Variants in RSF1 observed in about 807,000 individuals in gnomAD.
RSF1 encodes the protein remodeling and spacing factor 1.
Under a neutral mutation model 145.2 loss-of-function variants are expected in RSF1, and 13 were observed. That is an observed-to-expected ratio of 0.09 (90% CI 0.06 to 0.14). The LOEUF is 0.14. Among genes scored for constraint, RSF1 ranks in the 10% least tolerant of loss-of-function variants. The pLI is 1.00. For synonymous variants in RSF1, 577 were observed against 592.6 expected (o/e 0.97, Z 0.38); for missense variants, 1,517 against 1,718.2 (o/e 0.88, Z 2.07).
chr11:77,798,853 G>C (rs560452534), intron 1 of RSF1, among the ~76,000 whole-genome samples: 4 of 151,344 alleles, frequency 2.6e-5, no homozygotes, highest in Non-Finnish European at 5.9e-5. Context: ...GGATAGGGGA[G>C]GGATAACATT....
chr11:77,871,358 ATATT>A, the RSF1 span, among the ~76,000 whole-genome samples: 1 of 152,246 alleles, frequency 6.6e-6, no homozygotes, highest in Non-Finnish European at 1.5e-5. Context: ...TCATTTACAG[ATATT>A]TATTAAGCAT....
intron 6 of RSF1, among the ~76,000 whole-genome samples, chr11:77,699,719 A>C (rs1331694300): frequency 6.6e-6 from 1 of 152,230 alleles, no homozygotes; most frequent in East Asian, 1.9e-4. Context: ...AAAACTTAAA[A>C]TATACATGTC....
At chr11:77,696,339 T>C (rs1242259885) in intron 7 of RSF1, among the ~76,000 whole-genome samples, 1 of 152,216 alleles carries the variant, frequency 6.6e-6, no homozygotes, top group Non-Finnish European at 1.5e-5. Context: ...CTTAGAGTTC[T>C]ATATTCATTT....
chr11:77,830,458 T>C, the RSF1 span, among the ~76,000 whole-genome samples: 1 of 151,926 alleles, frequency 6.6e-6, no homozygotes, highest in African/African-American at 2.4e-5. Flanking sequence ...CTGCCGTGAA[T>C]CAAACTGCTG....
chr11:77,838,233 TTA>T, the RSF1 span, among the ~76,000 whole-genome samples: 1 of 127,960 alleles, frequency 7.8e-6, no homozygotes, highest in Non-Finnish European at 1.9e-5. Flanking sequence ...ACTGTTAGTT[TTA>T]TGTGTCAACG....
chr11:77,776,905 C>A (rs1226987662), intron 1 of RSF1, among the ~76,000 whole-genome samples: 2 of 152,190 alleles, frequency 1.3e-5, no homozygotes, highest in African/African-American at 4.8e-5. Flanking sequence ...GAATGTGTTT[C>A]TGGCAATCCT....
At chr11:77,698,191 A>C (rs1307207323) in intron 7 of RSF1, among the ~76,000 whole-genome samples, 1 of 152,210 alleles carries the variant, frequency 6.6e-6, no homozygotes, top group African/African-American at 2.4e-5. Flanking sequence ...AGAAAAACTT[A>C]AAAAGAACAG....
chr11:77,845,341 T>C, the RSF1 span, among the ~76,000 whole-genome samples: 1 of 152,136 alleles, frequency 6.6e-6, no homozygotes, highest in African/African-American at 2.4e-5. Flanking sequence ...CTATTTTCAA[T>C]TTTGTTGATT....
intron 1 of RSF1, among the ~76,000 whole-genome samples, chr11:77,811,529 C>T (rs1948731312): frequency 6.6e-6 from 1 of 152,110 alleles, no homozygotes; most frequent in South Asian, 2.1e-4. Context: ...AGGAAATTTT[C>T]CACAGAGCAT....
At chr11:77,796,612 CCT>C (rs1208773959) in intron 1 of RSF1, among the ~76,000 whole-genome samples, 1 of 152,096 alleles carries the variant, frequency 6.6e-6, no homozygotes, top group African/African-American at 2.4e-5. Context: ...ACAAGGATGC[CCT>C]CTCTCACCAC....
At chr11:77,844,387 C>T in the RSF1 span, among the ~76,000 whole-genome samples, 2 of 151,680 alleles carry the variant, frequency 1.3e-5, no homozygotes, top group East Asian at 1.9e-4. Context: ...TTTTTGGAGA[C>T]AGTCTCCCTC....
chr11:77,812,975 AT>A (rs1948745458), intron 1 of RSF1, among the ~76,000 whole-genome samples: 1 of 151,674 alleles, frequency 6.6e-6, no homozygotes, highest in Non-Finnish European at 1.5e-5. Context: ...GATCACCTTA[AT>A]TTTGGACAAA....
intron 4 of RSF1, among the ~76,000 whole-genome samples, chr11:77,736,691 A>T (rs1409304237): frequency 6.6e-6 from 1 of 152,220 alleles, no homozygotes; most frequent in Non-Finnish European, 1.5e-5. Context: ...TCTCACTTAT[A>T]ATATGCATAA....
intron 1 of RSF1, among the ~76,000 whole-genome samples, chr11:77,809,056 G>A (rs1361845050): frequency 6.6e-6 from 1 of 152,172 alleles, no homozygotes; most frequent in Non-Finnish European, 1.5e-5. Context: ...GTTGGGCTCT[G>A]AAGCCAGACT....
chr11:77,813,726 G>A (rs1205745643), intron 1 of RSF1: 1 of 389,506 alleles, frequency 2.6e-6, no homozygotes, highest in Non-Finnish European at 5.0e-6. Flanking sequence ...AGAGCGAACA[G>A]TAGTGAGTAA....
chr11:77,802,848 T>C (rs551436007), intron 1 of RSF1, among the ~76,000 whole-genome samples: 2 of 151,978 alleles, frequency 1.3e-5, no homozygotes, highest in East Asian at 3.9e-4. Flanking sequence ...ACCAAAACCA[T>C]TTAAAAGATA....
chr11:77,678,361 C>T (rs1367166617), intron 11 of RSF1, among the ~76,000 whole-genome samples: 3 of 152,014 alleles, frequency 2.0e-5, no homozygotes, highest in Non-Finnish European at 4.4e-5. Context: ...GGACTACAGA[C>T]GCGTGCCACC....
chr11:77,701,754 G>A lies in RSF1; in HGVS notation c.1475C>T (p.Ser492Phe), dbSNP rs1447784937. ...TEGNGTESLN[S>F]VITSMKTGEL... ...ACCTGTTTTCATACTTGTTATGACA[G>A]AATTTAAGGACTCTGTTCCATTTCC... Residue 492 changes from serine to phenylalanine, a missense_variant, in exon 6 of 16, where the codon TCT (serine) becomes TTT (phenylalanine). By Grantham distance (155) the Ser-to-Phe change is radical. This residue lies in a region of RSF1 where 579 missense variants were observed against 553.5 expected (regional missense o/e 1.05). Transcript: ENST00000308488. 2.5e-6 allele frequency: 4 copies of A among 1,613,586 alleles called. No homozygotes were observed. Among genetic ancestry groups the A allele is most frequent in the African/African-American group, 1.3e-5 (1 of 74,888 alleles).
Position 77,691,247 on chromosome 11 carries a change from G to C in RSF1, c.2821-9C>G. 1 of 1,612,916 alleles carries C rather than the reference G, an allele frequency of 6.2e-7. No homozygotes were observed. Among genetic ancestry groups the C allele is most frequent in the Non-Finnish European group, 8.5e-7 (1 of 1,179,108 alleles). On this transcript the variant is annotated splice_polypyrimidine_tract_variant and intron_variant, in intron 8 of 15. Transcript: ENST00000308488. Reference sequence around the variant, plus strand: ...TTTTCACAGAGCAGTTTCTGAAGAAGCAAAATAGATAAAAGTCATTTTAAA... The same window carrying C: ...TTTTCACAGAGCAGTTTCTGAAGAACCAAAATAGATAAAAGTCATTTTAAA...
Sources: allele counts gnomAD v4.1 joint callset (sites outside exome capture counted in the v4.1 genomes callset), GRCh38; gene constraint gnomAD v4.1.1; regional missense constraint gnomAD v4.1.1; transcripts MANE v1.5; gene names NCBI Gene and HGNC (gene_info 2026-07-23, HGNC 2026-07-21).